POU6F2: variants seen among roughly 807,000 people sequenced by gnomAD.
POU6F2 encodes the protein POU class 6 homeobox 2, also known as POU domain, class 6, transcription factor 2.
A neutral mutation model predicts 71.3 loss-of-function variants in POU6F2; 31 were observed. The observed-to-expected ratio is 0.43, with a 90% CI of 0.33 to 0.59. The LOEUF is 0.59. POU6F2 is among the 20% of genes least tolerant of loss of function. The probability of loss-of-function intolerance (pLI) is 0.04; values close to 1 mark genes in which losing one functional copy is unlikely to be tolerated. For missense variants in POU6F2, 783 were observed against 856.8 expected, an observed-to-expected ratio of 0.91 and a Z score of 1.07; for synonymous variants, 347 against 355.7, an observed-to-expected ratio of 0.98 and a Z score of 0.27.
chr7:39,264,428 C>G (rs4316059), intron 4 of POU6F2, among the ~76,000 whole-genome samples: 66,483 of 151,968 alleles, frequency 0.44, 15,423 homozygotes, highest in Admixed American at 0.59. Context: ...TTTGAGGAAA[C>G]CATTCTGACT....
At chr7:39,158,381 G>A (rs1439285887) in intron 2 of POU6F2, among the ~76,000 whole-genome samples, 1 of 152,196 alleles carries the variant, frequency 6.6e-6, no homozygotes, top group Non-Finnish European at 1.5e-5. Context: ...TTTAGATACA[G>A]TATTAGGTTT....
intron 2 of POU6F2, among the ~76,000 whole-genome samples, chr7:39,112,680 A>G (rs982390400): frequency 2.0e-5 from 3 of 152,120 alleles, no homozygotes; most frequent in Admixed American, 6.5e-5. Flanking sequence ...TAGCCCCCCA[A>G]TCAGTGTTTT....
chr7:39,224,472 T>C (rs1283636690), intron 4 of POU6F2, among the ~76,000 whole-genome samples: 1 of 152,090 alleles, frequency 6.6e-6, no homozygotes, highest in Non-Finnish European at 1.5e-5. Context: ...TCTTCTTAGC[T>C]AAATTCTCCA....
At chr7:39,022,914 A>C (rs940524817) in intron 1 of POU6F2, among the ~76,000 whole-genome samples, 2 of 152,056 alleles carry the variant, frequency 1.3e-5, no homozygotes, top group Non-Finnish European at 2.9e-5. Context: ...ACATTATAAG[A>C]AACTGTCAGT....
chr7:39,063,021 G>T lies in POU6F2; in HGVS notation c.106-22839G>T, dbSNP rs185942997. Reference sequence around the variant, plus strand: ...GGAATGGGGTCAAAGTCACTTATTAGCTAAGTAAATGATAGTCTGGATAGC... The same window carrying T: ...GGAATGGGGTCAAAGTCACTTATTATCTAAGTAAATGATAGTCTGGATAGC... On this transcript the variant is annotated intron_variant, in intron 1 of 9. Transcript: ENST00000518318. Among the ~76,000 whole-genome samples the T allele has an allele frequency of 2.0e-5, 3 of 152,154 alleles. No homozygotes were observed. In the East Asian group the frequency reaches 5.8e-4, roughly 29 times the overall value.
chr7:39,117,553 G>A (rs1350561031), intron 2 of POU6F2, among the ~76,000 whole-genome samples: 1 of 152,180 alleles, frequency 6.6e-6, no homozygotes. Context: ...CAAACTTTTG[G>A]AAGAAGGAAA....
At chr7:39,066,498 T>G (rs190511182) in intron 1 of POU6F2, among the ~76,000 whole-genome samples, 2 of 151,816 alleles carry the variant, frequency 1.3e-5, no homozygotes, top group African/African-American at 2.4e-5. Flanking sequence ...CTTTTCTATA[T>G]AAGAGCAATG....
intron 4 of POU6F2, among the ~76,000 whole-genome samples, chr7:39,229,337 G>A (rs544619898): frequency 2.6e-5 from 4 of 152,294 alleles, no homozygotes; most frequent in East Asian, 1.9e-4. Context: ...TCCCGACCTC[G>A]GACTTTCCTT....
At chr7:39,130,701 A>G (rs1254414286) in intron 2 of POU6F2, among the ~76,000 whole-genome samples, 1 of 152,064 alleles carries the variant, frequency 6.6e-6, no homozygotes, top group African/African-American at 2.4e-5. Context: ...AAACAGGAGG[A>G]AAATAATTTG....
intron 4 of POU6F2, among the ~76,000 whole-genome samples, chr7:39,250,476 C>T (rs148625603): frequency 4.2e-4 from 64 of 152,250 alleles, no homozygotes; most frequent in African/African-American, 1.4e-3. Context: ...GAAAACAAAC[C>T]CTTCTTAATA....
chr7:39,441,228 CT>C (rs112828864), intron 7 of POU6F2, among the ~76,000 whole-genome samples: 1,741 of 139,836 alleles, frequency 0.012, 8 homozygotes, highest in African/African-American at 0.027. Context: ...TAAAGCTTAG[CT>C]TTTTTTTTTT....
At chr7:39,132,583 T>G (rs1289899862) in intron 2 of POU6F2, 3 of 152,270 alleles carry the variant, frequency 2.0e-5, no homozygotes, top group Non-Finnish European at 4.4e-5. Context: ...CCTTTCAGAC[T>G]CAACTGTAGC....
chr7:39,456,721 C>A (rs1254320707), intron 8 of POU6F2, among the ~76,000 whole-genome samples: 1 of 152,194 alleles, frequency 6.6e-6, no homozygotes, highest in Non-Finnish European at 1.5e-5. Context: ...ATAAAGAAAT[C>A]TGAGTGTTCA....
intron 1 of POU6F2, among the ~76,000 whole-genome samples, chr7:39,016,985 G>A (rs117149419): frequency 1.5e-3 from 224 of 152,266 alleles, no homozygotes; most frequent in Non-Finnish European, 2.4e-3. Flanking sequence ...ACCCGTGAAT[G>A]TCATAAATGC....
chr7:39,207,956 A>G (rs1463896007), intron 4 of POU6F2, among the ~76,000 whole-genome samples: 1 of 152,228 alleles, frequency 6.6e-6, no homozygotes, highest in African/African-American at 2.4e-5. Flanking sequence ...TTATCATCTC[A>G]CCAATTCTTC....
intron 4 of POU6F2, among the ~76,000 whole-genome samples, chr7:39,296,641 C>T (rs1342033389): frequency 6.6e-6 from 1 of 152,214 alleles, no homozygotes. Context: ...CCTGGAACCT[C>T]CTTCCTCCCC....
At chr7:39,389,906 C>G (rs1242790341) in intron 5 of POU6F2, among the ~76,000 whole-genome samples, 1 of 152,212 alleles carries the variant, frequency 6.6e-6, no homozygotes, top group Admixed American at 6.5e-5. Context: ...TGGCCCTACT[C>G]CAAATCCCCA....
chr7:39,250,756 T>C (rs188968751), intron 4 of POU6F2, among the ~76,000 whole-genome samples: 1 of 152,312 alleles, frequency 6.6e-6, no homozygotes, highest in East Asian at 1.9e-4. Context: ...ATTCATATTA[T>C]GATATGAAGG....
intron 1 of POU6F2, among the ~76,000 whole-genome samples, chr7:39,027,137 A>G (rs547849339): frequency 1.3e-5 from 2 of 152,296 alleles, no homozygotes; most frequent in South Asian, 2.1e-4. Context: ...TAAGTAAACT[A>G]CTTATGAAGA....
Sources: gnomAD v4.1 joint callset for allele counts (sites outside exome capture counted in the v4.1 genomes callset) on GRCh38, gnomAD v4.1.1 for gene constraint, MANE v1.5 for transcripts, NCBI Gene and HGNC (gene_info 2026-07-23, HGNC 2026-07-21) for gene names.